TMEM131L: variants seen among roughly 807,000 people sequenced by gnomAD.
TMEM131L encodes the protein transmembrane protein 131-like.
Under a neutral mutation model 192.2 loss-of-function variants are expected in TMEM131L, and 54 were observed. The ratio of observed to expected loss-of-function variants is 0.28; its 90% CI spans 0.23 to 0.35. TMEM131L has a LOEUF of 0.35. Ranked by LOEUF, TMEM131L falls within the 10% of genes least tolerant of loss-of-function variation. The probability of loss-of-function intolerance (pLI) is 1.00; values close to 1 mark genes in which losing one functional copy is unlikely to be tolerated. For synonymous variants in TMEM131L, 701 were observed against 704.9 expected, an observed-to-expected ratio of 0.99 and a Z score of 0.09; for missense variants, 1,888 against 1,972.9, an observed-to-expected ratio of 0.96 and a Z score of 0.82.
intron 7 of TMEM131L, among the ~76,000 whole-genome samples, chr4:153,559,943 C>G (rs181187716): frequency 6.6e-6 from 1 of 152,074 alleles, no homozygotes; most frequent in East Asian, 1.9e-4. Flanking sequence ...AGCCTTCCCC[C>G]GCTCACTTGT....
At chr4:153,545,900 C>CA (rs1737138408) in intron 3 of TMEM131L, among the ~76,000 whole-genome samples, 1 of 151,926 alleles carries the variant, frequency 6.6e-6, no homozygotes, top group African/African-American at 2.4e-5. Flanking sequence ...GTTATAGAAG[C>CA]AAAATGGCCC....
chr4:153,565,626 A>G (rs1397867962), intron 7 of TMEM131L, among the ~76,000 whole-genome samples: 2 of 152,228 alleles, frequency 1.3e-5, no homozygotes, highest in Non-Finnish European at 2.9e-5. Flanking sequence ...TTAGTAATCC[A>G]TGATCCAGAA....
intron 3 of TMEM131L, among the ~76,000 whole-genome samples, chr4:153,480,370 A>T (rs1731845305): frequency 6.6e-6 from 1 of 151,520 alleles, no homozygotes; most frequent in Admixed American, 6.6e-5. Context: ...AAAACCAAAA[A>T]TAAGCCGGGC....
chr4:153,600,047 G>T (rs1233651178), intron 21 of TMEM131L, among the ~76,000 whole-genome samples: 1 of 151,846 alleles, frequency 6.6e-6, no homozygotes, highest in Non-Finnish European at 1.5e-5. Context: ...CTCAAAAAAG[G>T]AAAAAGAAAA....
chr4:153,520,761 G>A (rs910166428), intron 3 of TMEM131L, among the ~76,000 whole-genome samples: 6 of 152,334 alleles, frequency 3.9e-5, no homozygotes, highest in African/African-American at 1.4e-4. Context: ...ATAAATGGGT[G>A]TGCTAGAGAT....
chr4:153,473,752 A>T, intron 2 of TMEM131L, 93 bp from the exon 3 acceptor site: 3 of 1,010,036 alleles, frequency 3.0e-6, no homozygotes, highest in Non-Finnish European at 4.4e-6. Context: ...AGACCCTGCC[A>T]TTGTACTCCA....
chr4:153,578,584 G>A (rs374869445), intron 7 of TMEM131L, among the ~76,000 whole-genome samples: 217 of 150,046 alleles, frequency 1.4e-3, no homozygotes, highest in South Asian at 0.014. Flanking sequence ...GCAGTGGCGC[G>A]ATCTCGGCAC....
At chr4:153,569,152 G>A (rs1311356045) in intron 7 of TMEM131L, among the ~76,000 whole-genome samples, 1 of 152,236 alleles carries the variant, frequency 6.6e-6, no homozygotes, top group African/African-American at 2.4e-5. Context: ...AAGGACAGTA[G>A]TGTTTAGGGA....
In TMEM131L at chr4:153,555,723, T is replaced by C. The variant is rs78135171; in HGVS notation, c.309-64T>C. 3,988 of 1,369,138 alleles carry C rather than the reference T, an allele frequency of 2.9e-3. 103 individuals are homozygous for C. In the African/African-American group the frequency reaches 0.05, roughly 17 times the overall value. 84.8% of individuals were successfully genotyped at this position (1,369,138 alleles called of 1,614,324 possible). ...GTGTGTATATATATAATAATACATA[T>C]ATATGTATGGTAATATTTATAACCA... On this transcript the variant is annotated intron_variant, in intron 4 of 34. Transcript: ENST00000409959. The surrounding 1 kb of genome is among the most constrained non-coding windows in gnomAD (Gnocchi z 4.1).
intron 34 of TMEM131L, 99 bp from the exon 35 acceptor site, chr4:153,636,202 G>A: frequency 8.2e-7 from 1 of 1,217,498 alleles, no homozygotes. Flanking sequence ...TAACTTCCAA[G>A]TAACTTGATA....
At chr4:153,484,414 A>G (rs564864059) in intron 3 of TMEM131L, among the ~76,000 whole-genome samples, 2 of 151,788 alleles carry the variant, frequency 1.3e-5, no homozygotes, top group South Asian at 2.1e-4. Context: ...GTTTTCTCCC[A>G]AAGTTTTCTC....
In TMEM131L at chr4:153,636,684, T is replaced by C. The variant is rs1734604817; in HGVS notation, c.*108T>C. On this transcript the variant is annotated 3_prime_UTR_variant, in exon 35 of 35. Transcript: ENST00000409959. ...GACATTGGTGGATATTTTGGCACTTTTATATGAAAATAAATTTTTTAATGA... is the reference window on the plus strand; with the variant it reads ...GACATTGGTGGATATTTTGGCACTTCTATATGAAAATAAATTTTTTAATGA... 9.8e-6 allele frequency: 11 copies of C among 1,122,050 alleles called. No individual in the cohort carries two copies. The Admixed American group carries it at 2.9e-4, about 30-fold the overall frequency. The allele number at this position is 1,122,050 out of a possible 1,614,324, so 69.5% of individuals were successfully genotyped here.
At chr4:153,573,104 C>T (rs1268359035) in intron 7 of TMEM131L, among the ~76,000 whole-genome samples, 1 of 152,134 alleles carries the variant, frequency 6.6e-6, no homozygotes, top group African/African-American at 2.4e-5. Flanking sequence ...GTTTATCCAC[C>T]TTGTGGCATT....
At chr4:153,534,744 G>T (rs1200610911) in intron 3 of TMEM131L, among the ~76,000 whole-genome samples, 1 of 152,184 alleles carries the variant, frequency 6.6e-6, no homozygotes, top group Admixed American at 6.5e-5. Flanking sequence ...GGAGTTGGAG[G>T]ATTTGATGGA....
chr4:153,530,754 G>A (rs1735837464), intron 3 of TMEM131L, among the ~76,000 whole-genome samples: 2 of 152,124 alleles, frequency 1.3e-5, no homozygotes, highest in Non-Finnish European at 2.9e-5. Flanking sequence ...TAGCTCTTAG[G>A]TCTTAGGATC....
intron 2 of TMEM131L, among the ~76,000 whole-genome samples, chr4:153,472,974 G>T (rs1358721545): frequency 6.6e-6 from 1 of 152,252 alleles, no homozygotes; most frequent in African/African-American, 2.4e-5. Flanking sequence ...GAGATCTGCA[G>T]CAGCAAGTGT....
Position 153,608,958 on chromosome 4 carries a change from A to G in TMEM131L, c.3419-3294A>G, listed in dbSNP as rs1009913804. Among the ~76,000 whole-genome samples, 4 of 152,186 alleles carry G rather than the reference A, an allele frequency of 2.6e-5. No individual in the cohort carries two copies. In the South Asian group the frequency reaches 8.3e-4, roughly 32 times the overall value. On this transcript the variant is annotated intron_variant, in intron 25 of 34. Transcript: ENST00000409959. The stretch of plus-strand genomic sequence containing the variant: ...AACCATTACCACCGTGAAGGGCATT[A>G]ACATGTGCACCTCCCAACGTCTTCT...
intron 9 of TMEM131L, among the ~76,000 whole-genome samples, chr4:153,582,106 A>G (rs1015491418): frequency 6.6e-6 from 1 of 152,228 alleles, no homozygotes; most frequent in Non-Finnish European, 1.5e-5. Flanking sequence ...ACATTCTGTG[A>G]TCCATGAAAT....
chr4:153,593,649 T>C, intron 18 of TMEM131L, 150 bp from the exon 19 acceptor site: 3 of 599,254 alleles, frequency 5.0e-6, no homozygotes. Context: ...GGGTGGAATG[T>C]CGGGTGGACA....
Sources: allele counts gnomAD v4.1 joint callset (sites outside exome capture counted in the v4.1 genomes callset), GRCh38; gene constraint gnomAD v4.1.1; non-coding constraint Gnocchi (gnomAD v3.1); transcripts MANE v1.5; gene names NCBI Gene and HGNC (gene_info 2026-07-23, HGNC 2026-07-21).